The following PIK3C2G variants were observed in gnomAD, a reference collection of about 807,000 sequenced individuals.
PIK3C2G encodes phosphatidylinositol-4-phosphate 3-kinase catalytic subunit type 2 gamma.
A neutral mutation model predicts 181.1 loss-of-function variants in PIK3C2G; 168 were observed. That is an observed-to-expected ratio of 0.93 (90% CI 0.82 to 1.05). The LOEUF (loss-of-function observed/expected upper bound fraction) is 1.05. Among genes scored for constraint, PIK3C2G ranks in the 50% least tolerant of loss-of-function variants. The pLI is 0.00. For missense variants in PIK3C2G, 1,869 were observed against 1,732.8 expected, an observed-to-expected ratio of 1.08 and a Z score of -1.40; for synonymous variants, 573 against 592.2, an observed-to-expected ratio of 0.97 and a Z score of 0.47.
chr12:18,693,816 T>C, the PIK3C2G span: 9 of 1,526,268 alleles, frequency 5.9e-6, no homozygotes, highest in African/African-American at 2.7e-5. Flanking sequence ...CCAGGCCGCA[T>C]TGGCAGGAAG....
At chr12:18,341,973 C>T (rs1939186065) in intron 9 of PIK3C2G, among the ~76,000 whole-genome samples, 1 of 152,008 alleles carries the variant, frequency 6.6e-6, no homozygotes, top group South Asian at 2.1e-4. Flanking sequence ...TATTCTCTGA[C>T]CCAGCACTGG....
At chr12:18,693,321 G>A in the PIK3C2G span, 2 of 1,546,316 alleles carry the variant, frequency 1.3e-6, no homozygotes, top group Admixed American at 3.3e-5. Flanking sequence ...GGCCCCCCAA[G>A]AGACCTATGC....
At chr12:18,326,739 T>C (rs998687938) in intron 8 of PIK3C2G, among the ~76,000 whole-genome samples, 1 of 152,162 alleles carries the variant, frequency 6.6e-6, no homozygotes, top group African/African-American at 2.4e-5. Context: ...GTGAGAGTCA[T>C]TCTTTCTCAT....
chr12:18,699,432 C>T, the PIK3C2G span, among the ~76,000 whole-genome samples: 1 of 152,138 alleles, frequency 6.6e-6, no homozygotes, highest in Non-Finnish European at 1.5e-5. Flanking sequence ...CAATCTTCTC[C>T]TGCGCACCTT....
chr12:18,529,029 G>A (rs1393606815), intron 24 of PIK3C2G, among the ~76,000 whole-genome samples: 1 of 152,066 alleles, frequency 6.6e-6, no homozygotes, highest in African/African-American at 2.4e-5. Context: ...AAAGTTGTAG[G>A]TAATAAGTAG....
intron 26 of PIK3C2G, among the ~76,000 whole-genome samples, chr12:18,551,252 C>T (rs746567080): frequency 6.6e-6 from 1 of 152,050 alleles, no homozygotes; most frequent in Non-Finnish European, 1.5e-5. Context: ...AATTGATACT[C>T]TCATGTAATA....
chr12:18,636,364 T>C (rs1393766167), intron 31 of PIK3C2G, among the ~76,000 whole-genome samples: 1 of 152,154 alleles, frequency 6.6e-6, no homozygotes, highest in African/African-American at 2.4e-5. Flanking sequence ...CCCAAGCAGC[T>C]GGGATTACAA....
chr12:18,435,878 C>G (rs1946417480), intron 18 of PIK3C2G, among the ~76,000 whole-genome samples: 1 of 151,288 alleles, frequency 6.6e-6, no homozygotes, highest in African/African-American at 2.4e-5. Context: ...CAATACAGTT[C>G]TTAACATATT....
intron 30 of PIK3C2G, among the ~76,000 whole-genome samples, chr12:18,599,287 G>C (rs1470317600): frequency 6.6e-6 from 1 of 152,102 alleles, no homozygotes. Flanking sequence ...AGAAAATGTG[G>C]CACATATACA....
At chr12:18,688,191 T>C in the PIK3C2G span, 2 of 1,610,562 alleles carry the variant, frequency 1.2e-6, no homozygotes, top group Non-Finnish European at 1.7e-6. Context: ...GATGAATGAG[T>C]AAGAGGCAAC....
rs77266003 is a variant in PIK3C2G, at chr12:18,635,259, G to A, written c.4183-5170G>A. Among the ~76,000 whole-genome samples, 64 of 152,316 alleles carry A rather than the reference G, an allele frequency of 4.2e-4. 1 individual carries two copies. The East Asian group carries it at 0.011, about 26-fold the overall frequency. On this transcript the variant is annotated intron_variant, in intron 31 of 32. Transcript: ENST00000538779. ...GGGAACTCTTTATGAGGCCACGGGC[G>A]CAGTCTGGAGGAAAGAAGTCAGTGC...
chr12:18,588,501 A>T (rs191183301), intron 29 of PIK3C2G, among the ~76,000 whole-genome samples: 11 of 152,248 alleles, frequency 7.2e-5, no homozygotes, highest in Non-Finnish European at 1.3e-4. Flanking sequence ...AATTACTCAT[A>T]TCACTGATCA....
intron 18 of PIK3C2G, among the ~76,000 whole-genome samples, chr12:18,452,819 T>C (rs1947434992): frequency 6.6e-6 from 1 of 152,218 alleles, no homozygotes; most frequent in Non-Finnish European, 1.5e-5. Flanking sequence ...AATTTCGTTA[T>C]TTACCCAGGA....
chr12:18,304,838 T>C (rs1442242537), intron 5 of PIK3C2G, among the ~76,000 whole-genome samples: 1 of 152,190 alleles, frequency 6.6e-6, no homozygotes, highest in East Asian at 1.9e-4. Flanking sequence ...ACTTCAAATA[T>C]TAAAATTCCT....
intron 8 of PIK3C2G, among the ~76,000 whole-genome samples, chr12:18,325,876 G>A (rs1951325136): frequency 1.3e-5 from 2 of 152,074 alleles, no homozygotes; most frequent in Non-Finnish European, 1.5e-5. Flanking sequence ...GGATCTTATG[G>A]ACCTTTTATG....
At chr12:18,688,228 T>C in the PIK3C2G span, 1 of 1,596,880 alleles carries the variant, frequency 6.3e-7, no homozygotes. Flanking sequence ...GCTGCACAAA[T>C]ATATATGAAT....
the PIK3C2G span, among the ~76,000 whole-genome samples, chr12:18,655,762 A>T: frequency 4.6e-5 from 7 of 152,080 alleles, no homozygotes; most frequent in African/African-American, 1.4e-4. Flanking sequence ...AAAAAAAAAA[A>T]AAAATCAGAA....
intron 24 of PIK3C2G, among the ~76,000 whole-genome samples, chr12:18,526,826 T>A (rs114163352): frequency 0.011 from 1,704 of 152,246 alleles, 37 homozygotes; most frequent in African/African-American, 0.039. Context: ...GTTTTATCGA[T>A]CTCATCTTCT....
At chr12:18,395,083 C>CTT (rs765784475) in intron 15 of PIK3C2G, among the ~76,000 whole-genome samples, 4 of 148,576 alleles carry the variant, frequency 2.7e-5, no homozygotes, top group Non-Finnish European at 6.0e-5. Flanking sequence ...CTCTTTCATT[C>CTT]CTTCTTTCTT....
Sources: gnomAD v4.1 joint callset for allele counts (sites outside exome capture counted in the v4.1 genomes callset) on GRCh38, gnomAD v4.1.1 for gene constraint, MANE v1.5 for transcripts, NCBI Gene and HGNC (gene_info 2026-07-23, HGNC 2026-07-21) for gene names.